FRMD5: variants seen among roughly 807,000 people sequenced by gnomAD.
FRMD5 encodes FERM domain-containing protein 5.
Under a neutral mutation model 69.0 loss-of-function variants are expected in FRMD5, and 20 were observed. The observed-to-expected ratio is 0.29, with a 90% CI of 0.20 to 0.42. The LOEUF is 0.42. FRMD5 is among the 10% of genes least tolerant of loss of function. FRMD5 has a pLI of 1.00. For missense variants in FRMD5, 595 were observed against 708.6 expected, an observed-to-expected ratio of 0.84 and a Z score of 1.82; for synonymous variants, 271 against 260.1, an observed-to-expected ratio of 1.04 and a Z score of -0.40.
intron 1 of FRMD5, among the ~76,000 whole-genome samples, chr15:44,172,088 A>G (rs1222144694): frequency 7.1e-6 from 1 of 141,552 alleles, no homozygotes; most frequent in Non-Finnish European, 1.5e-5. Flanking sequence ...ACACAATATC[A>G]CTACACTTTT....
chr15:44,178,247 C>A (rs9972401), intron 1 of FRMD5, among the ~76,000 whole-genome samples: 1,984 of 152,192 alleles, frequency 0.013, 51 homozygotes, highest in African/African-American at 0.046. Flanking sequence ...ATCGCTTGAA[C>A]CTGGGAGGTG....
At chr15:44,136,808 G>C (rs1385396326) in intron 1 of FRMD5, among the ~76,000 whole-genome samples, 1 of 152,072 alleles carries the variant, frequency 6.6e-6, no homozygotes, top group Non-Finnish European at 1.5e-5. Flanking sequence ...GAAATCATTT[G>C]AAATTGAAAA....
intron 1 of FRMD5, among the ~76,000 whole-genome samples, chr15:43,986,253 C>G (rs1343457520): frequency 6.6e-6 from 1 of 152,154 alleles, no homozygotes; most frequent in Non-Finnish European, 1.5e-5. Flanking sequence ...GGTGGGGTTG[C>G]CTCCTTGTCT....
At chr15:44,042,151 C>A (rs991240840) in intron 1 of FRMD5, among the ~76,000 whole-genome samples, 2 of 152,162 alleles carry the variant, frequency 1.3e-5, no homozygotes, top group Non-Finnish European at 2.9e-5. Context: ...ATACTATAAA[C>A]ACCTCTAAGC....
At chr15:43,953,560 A>G (rs771513294) in intron 1 of FRMD5, among the ~76,000 whole-genome samples, 10 of 152,240 alleles carry the variant, frequency 6.6e-5, no homozygotes, top group Non-Finnish European at 1.2e-4. Context: ...CAGTCAGACC[A>G]TATCGCTCAC....
intron 1 of FRMD5, among the ~76,000 whole-genome samples, chr15:44,115,249 T>G (rs1001214159): frequency 6.6e-6 from 1 of 152,208 alleles, no homozygotes; most frequent in Non-Finnish European, 1.5e-5. Context: ...AAAAACTATC[T>G]ACATGCGTTA....
intron 1 of FRMD5, among the ~76,000 whole-genome samples, chr15:44,182,476 C>T (rs1244951259): frequency 6.6e-6 from 1 of 151,620 alleles, no homozygotes; most frequent in African/African-American, 2.4e-5. Context: ...ACTACAGGCA[C>T]ATGCCACCAT....
intron 1 of FRMD5, among the ~76,000 whole-genome samples, chr15:43,970,487 G>T (rs1315820323): frequency 2.6e-5 from 4 of 152,106 alleles, no homozygotes; most frequent in Non-Finnish European, 5.9e-5. Context: ...TGTTGTCGTT[G>T]TTGAGACAGT....
intron 1 of FRMD5, among the ~76,000 whole-genome samples, chr15:44,170,609 C>A (rs2077785391): frequency 6.6e-6 from 1 of 151,950 alleles, no homozygotes; most frequent in African/African-American, 2.4e-5. Context: ...TTTTCCCATT[C>A]TGTAGTTATG....
chr15:43,892,768 A>G (rs1157744159), intron 7 of FRMD5, among the ~76,000 whole-genome samples: 6 of 152,214 alleles, frequency 3.9e-5, no homozygotes, highest in Non-Finnish European at 7.3e-5. Flanking sequence ...TGATCTTTTA[A>G]CCCTGTGAAT....
chr15:44,188,979 G>A (rs1409217037), intron 1 of FRMD5, among the ~76,000 whole-genome samples: 1 of 152,056 alleles, frequency 6.6e-6, no homozygotes, highest in African/African-American at 2.4e-5. Context: ...TCAAAGGGGT[G>A]TTTTCTGTAG....
intron 1 of FRMD5, among the ~76,000 whole-genome samples, chr15:43,966,272 T>G (rs1236918327): frequency 6.6e-6 from 1 of 151,852 alleles, no homozygotes; most frequent in Non-Finnish European, 1.5e-5. Context: ...CTTGGGAGGC[T>G]GAGGTGGGAG....
chr15:44,054,759 C>T (rs1205671985), intron 1 of FRMD5, among the ~76,000 whole-genome samples: 1 of 151,986 alleles, frequency 6.6e-6, no homozygotes, highest in Non-Finnish European at 1.5e-5. Context: ...ATGAAAGGTA[C>T]ACAAGGATCT....
intron 1 of FRMD5, among the ~76,000 whole-genome samples, chr15:44,077,896 C>T (rs899981207): frequency 5.9e-5 from 9 of 152,140 alleles, no homozygotes; most frequent in Admixed American, 5.2e-4. Flanking sequence ...ATGATTTATA[C>T]ATCCTTAAAT....
intron 1 of FRMD5, among the ~76,000 whole-genome samples, chr15:44,134,683 C>T (rs2077156109): frequency 6.6e-6 from 1 of 152,186 alleles, no homozygotes; most frequent in Non-Finnish European, 1.5e-5. Context: ...CTCCCGACCT[C>T]AAATGATCCA....
intron 1 of FRMD5, among the ~76,000 whole-genome samples, chr15:43,924,937 C>T (rs1231228571): frequency 6.6e-6 from 1 of 151,976 alleles, no homozygotes; most frequent in Non-Finnish European, 1.5e-5. Context: ...GTCTCCCTTC[C>T]ACCCTGGCCA....
intron 7 of FRMD5, among the ~76,000 whole-genome samples, chr15:43,895,358 G>A (rs2088889661): frequency 6.6e-6 from 1 of 152,216 alleles, no homozygotes; most frequent in Non-Finnish European, 1.5e-5. Context: ...ATCCGCCAGA[G>A]TCCTCTCAGT....
intron 1 of FRMD5, among the ~76,000 whole-genome samples, chr15:44,142,107 A>G (rs2077282879): frequency 6.6e-6 from 1 of 152,162 alleles, no homozygotes; most frequent in Admixed American, 6.5e-5. Flanking sequence ...AGAAGGCTTC[A>G]TCCAAATAAC....
intron 1 of FRMD5, among the ~76,000 whole-genome samples, chr15:44,149,471 A>T (rs76954349): frequency 6.6e-6 from 1 of 152,098 alleles, no homozygotes; most frequent in Admixed American, 6.5e-5. Context: ...CAAAAGACAG[A>T]TTAGCAGAAT....
Sources: allele counts gnomAD v4.1 joint callset (sites outside exome capture counted in the v4.1 genomes callset), GRCh38; gene constraint gnomAD v4.1.1; transcripts MANE v1.5; gene names NCBI Gene and HGNC (gene_info 2026-07-23, HGNC 2026-07-21).